ESPL1: variants seen among roughly 807,000 people sequenced by gnomAD.
The protein encoded by ESPL1 is extra spindle pole bodies like 1, separase.
A neutral mutation model predicts 217.2 loss-of-function variants in ESPL1; 50 were observed. The ratio of observed to expected loss-of-function variants is 0.23; its 90% CI spans 0.18 to 0.29. ESPL1 has a LOEUF of 0.29. Ranked by LOEUF, ESPL1 falls within the 10% of genes least tolerant of loss-of-function variation. The pLI, the probability that ESPL1 is intolerant of heterozygous loss-of-function variation, is 1.00. For synonymous variants in ESPL1, 994 were observed against 1,081.3 expected (o/e 0.92, Z 1.58); for missense variants, 1,834 against 2,603.0 (o/e 0.70, Z 6.43).
Position 53,282,193 on chromosome 12 carries a change from T to C in ESPL1, c.2620-71T>C. 2.2e-6 allele frequency: 3 copies of C among 1,333,836 alleles called. No homozygotes were observed. The highest frequency in any genetic ancestry group is 3.2e-6 in the Non-Finnish European group (3 of 935,820). The allele number at this position is 1,333,836 out of a possible 1,614,324, so 82.6% of individuals were successfully genotyped here. ...GGCCTTCAGGGATGGGGCCACGTAA[T>C]CTCCAGGGCCTCTCAAGCTCTGGAG... is the stretch of plus-strand genomic sequence containing the variant. On this transcript the variant is annotated intron_variant, in intron 13 of 30. Transcript: ENST00000257934. This position sits in a 1 kb window ranked among gnomAD's most constrained non-coding sequence, Gnocchi z 4.0.
Position 53,281,549 on chromosome 12 carries a change from C to G in ESPL1, c.2542C>G (p.Gln848Glu). 2.5e-6 allele frequency: 4 copies of G among 1,613,750 alleles called. No individual in the cohort carries two copies. Among genetic ancestry groups the G allele is most frequent in the Non-Finnish European group, 3.4e-6 (4 of 1,179,662 alleles). ...EAASSLKHLD[Q>E]TTDTYLLLSL... ...AGCATCGAGCCTGAAGCATCTCGAT[C>G]AGACTACTGACACATACCTGCTCCT... The change falls in exon 13 of 31, where the codon CAG becomes GAG. Residue 848 changes from glutamine (Q) to glutamate (E), a missense_variant. Around this residue, in one of 5 missense-constraint regions of ESPL1, gnomAD observed 746 missense variants for 1,077.0 expected, o/e 0.69. Coordinates refer to ENST00000257934, the MANE Select transcript of ESPL1 (RefSeq NM_012291.5).
In ESPL1 at chr12:53,276,668, C is replaced by T. The variant is rs755455888; in HGVS notation, c.1749C>T (p.Leu583=). The change falls in exon 8 of 31, where the codon CTC becomes CTT. Residue 583 remains leucine, a synonymous_variant. Coordinates refer to ENST00000257934, the MANE Select transcript of ESPL1 (RefSeq NM_012291.5). ...LSGWDPETLA[L]LLREELQAYK... ...GCTGGGACCCGGAGACCCTGGCCCT[C>T]CTGCTGAGGGAGGAGCTGCAGGCCT... The T allele has an allele frequency of 1.5e-5, 25 of 1,613,144 alleles. No individual in the cohort carries two copies. Among genetic ancestry groups the T allele is most frequent in the Non-Finnish European group, 1.9e-5 (23 of 1,179,970 alleles).
rs879375031 is a variant in ESPL1, at chr12:53,292,223, G to C, written c.5797-55G>C. 8.2e-6 allele frequency: 12 copies of C among 1,467,756 alleles called. No homozygotes were observed. Among genetic ancestry groups the C allele is most frequent in the Admixed American group, 1.7e-5 (1 of 59,796 alleles). The allele number at this position is 1,467,756 out of a possible 1,614,324, so 90.9% of individuals were successfully genotyped here. On this transcript the variant is annotated intron_variant, in intron 27 of 30. Transcript: ENST00000257934. The surrounding 1 kb of genome is among the most constrained non-coding windows in gnomAD (Gnocchi z 4.5). Reference sequence around the variant, plus strand: ...ACATGGAAAGGGGCTGAGATTGTTAGAGCTTGGGCCTCTTGGTGAGACAAG... The same window carrying C: ...ACATGGAAAGGGGCTGAGATTGTTACAGCTTGGGCCTCTTGGTGAGACAAG...
rs1243167911 is a variant in ESPL1 at position 53,272,903 on chromosome 12, G to A, written c.1506+46G>A. 1.9e-6 allele frequency: 3 copies of A among 1,599,848 alleles called. No individual in the cohort carries two copies. In the African/African-American group the frequency reaches 4.0e-5, roughly 21 times the overall value. On this transcript the variant is annotated intron_variant, in intron 6 of 30. Transcript: ENST00000257934. ...CAGGAAAGGAGCTTATGTGGTTGGG[G>A]AGCGGGGGGAGCGGGGAAGGGCCTC... is the stretch of plus-strand genomic sequence containing the variant.
chr12:53,292,528 C>A lies in ESPL1; in HGVS notation c.5913-46C>A, dbSNP rs760099068. 2 of 1,530,794 alleles carry A rather than the reference C, an allele frequency of 1.3e-6. No homozygotes were observed. The highest frequency in any genetic ancestry group is 1.8e-6 in the Non-Finnish European group (2 of 1,106,646). 94.8% of individuals were successfully genotyped at this position (1,530,794 alleles called of 1,614,324 possible). On this transcript the variant is annotated intron_variant, in intron 28 of 30. Coordinates refer to ENST00000257934, the MANE Select transcript of ESPL1 (RefSeq NM_012291.5). The surrounding 1 kb of genome is among the most constrained non-coding windows in gnomAD (Gnocchi z 4.5). ...CCCTCTGCTGTCTTTGCCACCTGAC[C>A]CCTGCCATGCATTTCCCTATTCTCA...
At position 53,269,502 on chromosome 12, in the gene ESPL1, T is replaced by G; in HGVS notation, c.560T>G (p.Val187Gly). 6.2e-7 allele frequency: 1 copy of G among 1,614,128 alleles called. No individual in the cohort carries two copies. Among genetic ancestry groups the G allele is most frequent in the Non-Finnish European group, 8.5e-7 (1 of 1,180,010 alleles). The change falls in exon 3 of 31, where the codon GTT (valine) becomes GGT (glycine). Residue 187 changes from valine to glycine, a missense_variant. Physicochemically the swap from Val to Gly is moderately radical, Grantham distance 109 (BLOSUM62 -3). Coordinates refer to ENST00000257934, the MANE Select transcript of ESPL1 (RefSeq NM_012291.5). This position sits in a 1 kb window ranked among gnomAD's most constrained non-coding sequence, Gnocchi z 6.7. Reference protein sequence around the residue: ...LLEDESTPCEVPHFASPTACR... With the variant: ...LLEDESTPCEGPHFASPTACR... ...GAGGATGAAAGTACCCCTTGTGAGGTTCCTCACTTTGCTTCTCCAACAGCC... is the reference window on the plus strand; with the variant it reads ...GAGGATGAAAGTACCCCTTGTGAGGGTCCTCACTTTGCTTCTCCAACAGCC...
chr12:53,289,581 T>C lies in ESPL1; in HGVS notation c.5100T>C (p.Ala1700=). The change falls in exon 22 of 31, where the codon GCT becomes GCC. Residue 1700 remains alanine, a synonymous_variant. Coordinates refer to ENST00000257934, the MANE Select transcript of ESPL1 (RefSeq NM_012291.5). ...PEKESFQERL[A]LIPSGVTVCV... ...AGGAGAGTTTCCAGGAGCGCCTGGCTCTGATCCCCAGTGGTATGCGGGCAG... is the reference window on the plus strand; with the variant it reads ...AGGAGAGTTTCCAGGAGCGCCTGGCCCTGATCCCCAGTGGTATGCGGGCAG... 6.2e-7 allele frequency: 1 copy of C among 1,613,706 alleles called. No homozygotes were observed. Among genetic ancestry groups the C allele is most frequent in the Non-Finnish European group, 8.5e-7 (1 of 1,179,900 alleles).
rs1296536802 is a variant in ESPL1, at chr12:53,279,712, T to C, written c.2365-20T>C. The C allele has an allele frequency of 1.9e-6, 3 of 1,613,750 alleles. No individual in the cohort carries two copies. The African/African-American group carries it at 4.0e-5, about 22-fold the overall frequency. On this transcript the variant is annotated intron_variant, in intron 11 of 30. Transcript: ENST00000257934. ...GGCTTGAGCAGGGGTGGAGTAAACT[T>C]GGCTGCTTCTGCTGACCAGCCCATG...
chr12:53,289,172 T>C lies in ESPL1; in HGVS notation c.4791T>C (p.Tyr1597=). 1.9e-6 allele frequency: 3 copies of C among 1,613,976 alleles called. No homozygotes were observed. The highest frequency in any genetic ancestry group is 2.5e-6 in the Non-Finnish European group (3 of 1,179,826). The change falls in exon 21 of 31, where the codon TAT becomes TAC. Residue 1597 remains tyrosine, a synonymous_variant. Coordinates refer to ENST00000257934, the MANE Select transcript of ESPL1 (RefSeq NM_012291.5). ...GISHCPPSGL[Y]AHLCRFLALC... is the part of the protein sequence containing the mutation. ...GTCACTGTCCTCCTAGTGGGCTCTA[T>C]GCCCACCTCTGCCGCTTCCTGGCCT...
chr12:53,291,260 G>A (rs1453172416), intron 25 of ESPL1, among the ~76,000 whole-genome samples: 2 of 142,172 alleles, frequency 1.4e-5, no homozygotes, highest in Admixed American at 1.4e-4. Flanking sequence ...TGAGATCGCC[G>A]CACTCCAGCC....
At chr12:53,271,101 G>T (rs963332980) in intron 5 of ESPL1, among the ~76,000 whole-genome samples, 8 of 144,964 alleles carry the variant, frequency 5.5e-5, no homozygotes, top group Non-Finnish European at 1.0e-4. Flanking sequence ...ATTTTTTAAT[G>T]TTTTTTTTTC....
intron 24 of ESPL1, among the ~76,000 whole-genome samples, 185 bp from the exon 25 acceptor site, chr12:53,290,656 G>C (rs1450841896): frequency 6.6e-4 from 1 of 1,504 alleles, no homozygotes; most frequent in Non-Finnish European, 6.8e-3. Context: ...GAATATATGG[G>C]AATGGATATT....
rs575347377 is a variant in ESPL1 at position 53,284,126 on chromosome 12, C to T, written c.3146C>T (p.Ser1049Leu). ...LARNDIDLCQ[S>L]DLQQVLFLLE... ...CGCAATGACATTGATCTCTGTCAGT[C>T]GGACCTGCAGCAGGTTCTGTTCTTG... The change falls in exon 17 of 31, where the codon TCG becomes TTG. Residue 1049 changes from serine to leucine, a missense_variant. Ser to Leu is a moderately radical substitution (Grantham distance 145). Around this residue, in one of 5 missense-constraint regions of ESPL1, gnomAD observed 107 missense variants for 171.7 expected, o/e 0.62. Coordinates refer to ENST00000257934, the MANE Select transcript of ESPL1 (RefSeq NM_012291.5). The T allele has an allele frequency of 6.2e-6, 10 of 1,613,944 alleles. No individual in the cohort carries two copies. Among genetic ancestry groups the T allele is most frequent in the African/African-American group, 1.3e-5 (1 of 75,052 alleles).
rs545462266 is a variant in ESPL1, at chr12:53,285,948, T to C, written c.3212T>C (p.Leu1071Pro). The stretch of plus-strand genomic sequence containing the variant: ...GAGTTTGGTGGGGTGACTCAGCACC[T>C]GGACTCTGTGAAGAAGGTCCACCTG... ...CTEFGGVTQHLDSVKKVHLQK... is the reference protein window; with the variant it reads ...CTEFGGVTQHPDSVKKVHLQK... The change falls in exon 18 of 31, where the codon CTG (leucine) becomes CCG (proline). Residue 1071 changes from leucine (L) to proline (P), a missense_variant. Transcript: ENST00000257934. 6.5e-7 allele frequency: 1 copy of C among 1,543,430 alleles called. No individual in the cohort carries two copies. The highest frequency in any genetic ancestry group is 1.2e-5 in the South Asian group (1 of 81,788).
chr12:53,291,774 G>C lies in ESPL1; in HGVS notation c.5605G>C (p.Ala1869Pro). 1 of 1,611,854 alleles carries C rather than the reference G, an allele frequency of 6.2e-7. No homozygotes were observed. Among genetic ancestry groups the C allele is most frequent in the Non-Finnish European group, 8.5e-7 (1 of 1,179,246 alleles). ...GCTGTGCCCAACCCAGCCAGAGCGA[G>C]CCCAGGAGCTCCTGAATGAGGCAGT... ...YGLCPTQPER[A>P]QELLNEAVGR... Residue 1869 changes from alanine to proline, a missense_variant, in exon 26 of 31, where the codon GCC (alanine) becomes CCC (proline). By Grantham distance (27) the Ala-to-Pro change is conservative. This residue lies in a region of ESPL1 where 295 missense variants were observed against 519.8 expected (regional missense o/e 0.57). Transcript: ENST00000257934.
rs375195046 is a variant in ESPL1, at chr12:53,286,000, C to T, written c.3264C>T (p.Val1088=). ...HLQKGKQQAQ[V]PCPPQLPEEE... is the part of the protein sequence containing the mutation. ...AGAAGGGGAAGCAGCAGGCCCAGGT[C>T]CCCTGTCCTCCACAGCTCCCAGAGG... The change falls in exon 18 of 31, where the codon GTC becomes GTT. Residue 1088 remains valine, a synonymous_variant. Coordinates refer to ENST00000257934, the MANE Select transcript of ESPL1 (RefSeq NM_012291.5). 120 of 1,598,174 alleles carry T rather than the reference C, an allele frequency of 7.5e-5. No homozygotes were observed. The highest frequency in any genetic ancestry group is 8.4e-5 in the Non-Finnish European group (98 of 1,167,410).
chr12:53,269,532 G>T lies in ESPL1; in HGVS notation c.590G>T (p.Arg197Leu). 1 of 1,614,194 alleles carries T rather than the reference G, an allele frequency of 6.2e-7. No homozygotes were observed. Reference protein sequence around the residue: ...VPHFASPTACRAVAAHQLFDA... With the variant: ...VPHFASPTACLAVAAHQLFDA... ...CACTTTGCTTCTCCAACAGCCTGTC[G>T]AGCGGTAGCTGCCCATCAGCTATTT... Residue 197 changes from arginine to leucine, a missense_variant, in exon 3 of 31, where the codon CGA becomes CTA. By Grantham distance (102) the Arg-to-Leu change is moderately radical. This residue lies in a region of ESPL1 where 746 missense variants were observed against 1,077.0 expected (regional missense o/e 0.69). Coordinates refer to ENST00000257934, the MANE Select transcript of ESPL1 (RefSeq NM_012291.5). This position sits in a 1 kb window ranked among gnomAD's most constrained non-coding sequence, Gnocchi z 6.7.
rs550483516 is a variant in ESPL1, at chr12:53,268,637, T to C, written c.-12-118T>C. On this transcript the variant is annotated intron_variant, in intron 1 of 30. Coordinates refer to ENST00000257934, the MANE Select transcript of ESPL1 (RefSeq NM_012291.5). Reference sequence around the variant, plus strand: ...GGAGCACGGCGTCCTGGCGTGGGTTTTCTCCCCGATGAAATTTCTGATGTG... The same window carrying C: ...GGAGCACGGCGTCCTGGCGTGGGTTCTCTCCCCGATGAAATTTCTGATGTG... The C allele has an allele frequency of 2.4e-5, 15 of 637,664 alleles. 1 individual carries two copies. The African/African-American group carries it at 2.6e-4, about 11-fold the overall frequency. The allele number at this position is 637,664 out of a possible 1,614,324, so 39.5% of individuals were successfully genotyped here.
intron 11 of ESPL1, 83 bp from the exon 12 acceptor site, chr12:53,279,649 A>G (rs1943828240): frequency 1.3e-6 from 2 of 1,568,156 alleles, no homozygotes; most frequent in South Asian, 1.1e-5. Context: ...CTACAGTCCA[A>G]GGTCCCAAAG....
Sources: gnomAD v4.1 joint callset for allele counts (sites outside exome capture counted in the v4.1 genomes callset) on GRCh38, gnomAD v4.1.1 for gene constraint, gnomAD v4.1.1 regional missense constraint, Gnocchi (gnomAD v3.1) non-coding constraint, MANE v1.5 for transcripts, NCBI Gene and HGNC (gene_info 2026-07-23, HGNC 2026-07-21) for gene names.